The following NALCN variants were observed in gnomAD, a reference collection of about 807,000 sequenced individuals.
NALCN encodes sodium leak channel NALCN.
NALCN carries 111 observed loss-of-function variants against 225.3 expected under a neutral mutation model. The observed-to-expected ratio is 0.49, with a 90% CI of 0.42 to 0.58. The LOEUF is 0.58. Among genes scored for constraint, NALCN ranks in the 20% least tolerant of loss-of-function variants. The probability of loss-of-function intolerance (pLI) is 0.00; values close to 1 mark genes in which losing one functional copy is unlikely to be tolerated. For missense variants in NALCN, 1,378 were observed against 2,202.4 expected (o/e 0.63, Z 7.49); for synonymous variants, 764 against 769.0 (o/e 0.99, Z 0.11).
intron 3 of NALCN, among the ~76,000 whole-genome samples, chr13:101,382,266 G>T (rs1231580740): frequency 7.5e-6 from 1 of 132,960 alleles, no homozygotes; most frequent in Admixed American, 8.3e-5. Context: ...AACAAATGAG[G>T]ATAAACAGTG....
chr13:101,072,046 C>A (rs895599874), intron 37 of NALCN, among the ~76,000 whole-genome samples: 3 of 152,114 alleles, frequency 2.0e-5, no homozygotes, highest in East Asian at 1.9e-4. Context: ...CAATTAAATT[C>A]TCCATCTTAT....
chr13:101,218,673 A>G (rs553269557), intron 13 of NALCN, among the ~76,000 whole-genome samples: 2 of 152,254 alleles, frequency 1.3e-5, no homozygotes, highest in African/African-American at 2.4e-5. Flanking sequence ...TGAGTGAGTC[A>G]TCATGAAATC....
intron 33 of NALCN, among the ~76,000 whole-genome samples, chr13:101,082,559 C>T (rs998236270): frequency 6.6e-6 from 1 of 152,156 alleles, no homozygotes; most frequent in Non-Finnish European, 1.5e-5. Context: ...TATCAGAACT[C>T]GCATAACTAG....
intron 43 of NALCN, among the ~76,000 whole-genome samples, chr13:101,056,713 C>G (rs575843189): frequency 7.2e-5 from 11 of 152,170 alleles, no homozygotes; most frequent in Non-Finnish European, 1.5e-4. Flanking sequence ...GCTCACACCA[C>G]GGTAACTTCC....
intron 9 of NALCN, 142 bp downstream of exon 9, chr13:101,291,848 C>T: frequency 1.2e-6 from 1 of 802,726 alleles, no homozygotes; most frequent in Non-Finnish European, 2.0e-6. Flanking sequence ...CTGTGCCTGA[C>T]TGGCAACTGT....
Position 101,067,949 on chromosome 13 carries a change from A to T in NALCN, c.4415T>A (p.Ile1472Lys). 6.2e-7 allele frequency: 1 copy of T among 1,612,966 alleles called. No individual in the cohort carries two copies. The highest frequency in any genetic ancestry group is 8.5e-7 in the Non-Finnish European group (1 of 1,179,470). ...TTTATCATCCACCATGTTCCATATT[A>T]TTTGAAAGTGGCGAAGATCATTGTA... ...LSYNDLRHFQ[I>K]IWNMVDDKRE... The change falls in exon 39 of 44, where the codon ATA becomes AAA. Residue 1472 changes from isoleucine to lysine, a missense_variant. Ile to Lys is a moderately radical substitution (Grantham distance 102). This residue lies in a region of NALCN where 16 missense variants were observed against 66.7 expected (regional missense o/e 0.24). Transcript: ENST00000251127.
intron 10 of NALCN, among the ~76,000 whole-genome samples, chr13:101,277,568 C>T (rs559857770): frequency 4.6e-5 from 7 of 152,176 alleles, no homozygotes; most frequent in African/African-American, 1.4e-4. Flanking sequence ...TTTAACACAT[C>T]GGAATAACTT....
At chr13:101,074,431 A>G in intron 36 of NALCN, 83 bp downstream of exon 36, 1 of 1,313,952 alleles carries the variant, frequency 7.6e-7, no homozygotes, top group Non-Finnish European at 1.0e-6. Context: ...AGACTTTAAT[A>G]GACAAAAAAC....
intron 12 of NALCN, among the ~76,000 whole-genome samples, chr13:101,233,894 G>T (rs529525433): frequency 1.5e-4 from 23 of 152,242 alleles, no homozygotes; most frequent in African/African-American, 5.3e-4. Flanking sequence ...AGGCCATGCT[G>T]CCCTGCATTG....
At chr13:101,378,438 A>C (rs1368017571) in intron 4 of NALCN, 132 bp downstream of exon 4, 3 of 661,198 alleles carry the variant, frequency 4.5e-6, no homozygotes, top group Middle Eastern at 4.3e-4. Flanking sequence ...AATAAAAATA[A>C]AATAAAATGT....
At chr13:101,090,838 G>A (rs2034194455) in intron 28 of NALCN, among the ~76,000 whole-genome samples, 1 of 152,070 alleles carries the variant, frequency 6.6e-6, no homozygotes, top group African/African-American at 2.4e-5. Flanking sequence ...GAATCCAACA[G>A]GTAATTTTTC....
At chr13:101,409,051 T>C (rs1274658262) in intron 1 of NALCN, among the ~76,000 whole-genome samples, 1 of 152,210 alleles carries the variant, frequency 6.6e-6, no homozygotes, top group Non-Finnish European at 1.5e-5. Flanking sequence ...TCTCCAAGGA[T>C]TCTGTTTTGT....
At chr13:101,352,315 T>A (rs543546646) in intron 6 of NALCN, among the ~76,000 whole-genome samples, 1 of 152,148 alleles carries the variant, frequency 6.6e-6, no homozygotes, top group South Asian at 2.1e-4. Context: ...TGGTGGGTAC[T>A]GGGAAAACCT....
chr13:101,354,478 CT>C (rs1480363396), intron 6 of NALCN, among the ~76,000 whole-genome samples: 1 of 152,188 alleles, frequency 6.6e-6, no homozygotes, highest in African/African-American at 2.4e-5. Context: ...CCAAGAGATC[CT>C]CACGCAGCAA....
chr13:101,228,418 T>C lies in NALCN; in HGVS notation c.1626+975A>G, dbSNP rs572986921. Among the ~76,000 whole-genome samples the C allele has an allele frequency of 8.6e-4, 131 of 152,298 alleles. 2 individuals carry two copies. Among genetic ancestry groups the C allele is most frequent in the Non-Finnish European group, 1.3e-3 (89 of 68,020 alleles). ...ATGTCATCTTGAATTGTAGCTCCCA[T>C]AATTCCCATGTGTTGTGGAAGGGAC... On this transcript the variant is annotated intron_variant, in intron 13 of 43. Coordinates refer to ENST00000251127, the MANE Select transcript of NALCN (RefSeq NM_052867.4).
chr13:101,381,172 G>A (rs1321877050), intron 3 of NALCN, among the ~76,000 whole-genome samples: 2 of 152,020 alleles, frequency 1.3e-5, no homozygotes, highest in Non-Finnish European at 2.9e-5. Context: ...GCTTGGCTCT[G>A]GGTGACAAGA....
At chr13:101,301,741 G>GAA (rs35848778) in intron 7 of NALCN, among the ~76,000 whole-genome samples, 19 of 144,554 alleles carry the variant, frequency 1.3e-4, no homozygotes, top group South Asian at 2.2e-4. Context: ...GACAAGACAA[G>GAA]AAAAAAAAAA....
chr13:101,101,281 C>CTTTTTTTTTTTTTTTTTTTTTTT (rs60948311), intron 26 of NALCN, among the ~76,000 whole-genome samples: 1 of 112,370 alleles, frequency 8.9e-6, no homozygotes, highest in Non-Finnish European at 1.7e-5. Flanking sequence ...ATTTTTTTTT[C>CTTTTTTTTTTTTTTTTTTTTTTT]TTTTTTTTTT....
intron 10 of NALCN, 45 bp from the exon 11 acceptor site, chr13:101,258,619 C>A: frequency 6.2e-7 from 1 of 1,612,306 alleles, no homozygotes; most frequent in African/African-American, 1.3e-5. Context: ...AAATAAACCT[C>A]ATGATTAAGT....
Sources: gnomAD v4.1 joint callset for allele counts (sites outside exome capture counted in the v4.1 genomes callset) on GRCh38, gnomAD v4.1.1 for gene constraint, gnomAD v4.1.1 regional missense constraint, MANE v1.5 for transcripts, NCBI Gene and HGNC (gene_info 2026-07-23, HGNC 2026-07-21) for gene names.